Variants in KLF5 observed in about 807,000 individuals in gnomAD.
The protein encoded by KLF5 is Krueppel-like factor 5.
A neutral mutation model predicts 36.9 loss-of-function variants in KLF5; 9 were observed. The ratio of observed to expected loss-of-function variants is 0.24; its 90% CI spans 0.15 to 0.43. The LOEUF is 0.43. Among genes scored for constraint, KLF5 ranks in the 20% least tolerant of loss-of-function variants. The pLI, the probability that KLF5 is intolerant of heterozygous loss-of-function variation, is 1.00. For missense variants in KLF5, 524 were observed against 599.5 expected, an observed-to-expected ratio of 0.87 and a Z score of 1.31; for synonymous variants, 246 against 241.7, an observed-to-expected ratio of 1.02 and a Z score of -0.17.
intron 3 of KLF5, among the ~76,000 whole-genome samples, chr13:73,073,733 C>T (rs1313064404): frequency 1.3e-5 from 2 of 151,954 alleles, no homozygotes; most frequent in Non-Finnish European, 2.9e-5. Context: ...GTTTATTTTT[C>T]ACAGGGAACA....
intron 3 of KLF5, among the ~76,000 whole-genome samples, chr13:73,068,779 T>A (rs908884182): frequency 6.6e-6 from 1 of 151,312 alleles, no homozygotes; most frequent in Non-Finnish European, 1.5e-5. Flanking sequence ...ATATTAAACA[T>A]AGCTTTTGGT....
At chr13:73,062,772 A>AGAGT in intron 2 of KLF5, 38 bp downstream of exon 2, 8 of 1,438,760 alleles carry the variant, frequency 5.6e-6, no homozygotes, top group Non-Finnish European at 7.7e-6. Flanking sequence ...CAATAGATGT[A>AGAGT]GTGTGTGTGT....
At chr13:73,055,341 C>A (rs1042115276), upstream of KLF5, among the ~76,000 whole-genome samples, 1 of 151,994 alleles carries the variant, frequency 6.6e-6, no homozygotes, top group Admixed American at 6.6e-5. Context: ...AGAGACATTA[C>A]AAAAATAAAA....
chr13:73,061,759 C>G, intron 1 of KLF5, 102 bp from the exon 2 acceptor site: 1 of 1,087,454 alleles, frequency 9.2e-7, no homozygotes, highest in Non-Finnish European at 1.4e-6. Flanking sequence ...GCCCTAGTAC[C>G]TTACACAGGG....
At position 73,064,736 on chromosome 13, in the gene KLF5, G is replaced by T. The variant is rs571160407; in HGVS notation, c.1195+853G>T. Among the ~76,000 whole-genome samples, 203 of 152,206 alleles carry T rather than the reference G, an allele frequency of 1.3e-3. 1 individual carries two copies. The highest frequency in any genetic ancestry group is 4.6e-3 in the African/African-American group (193 of 41,508). ...TTTTTGTATCTCTAGTAGAGATGGG[G>T]TTTCACCATGTTGGCCAGGCTGGTC... On this transcript the variant is annotated intron_variant, in intron 3 of 3. Transcript: ENST00000377687.
intron 3 of KLF5, among the ~76,000 whole-genome samples, chr13:73,073,868 A>G (rs2044740156): frequency 6.6e-6 from 1 of 152,194 alleles, no homozygotes; most frequent in South Asian, 2.1e-4. Context: ...ATTGTAAGTG[A>G]CAGAACGTGA....
Position 73,061,855 on chromosome 13 carries a change from T to C in KLF5, c.262-6T>C. ...GATTATGCATTTTATATCTCTTCTTTTTTAGACAAGATGTGAAATGGAGAA... is the reference window on the plus strand; with the variant it reads ...GATTATGCATTTTATATCTCTTCTTCTTTAGACAAGATGTGAAATGGAGAA... On this transcript the variant is annotated splice_region_variant and splice_polypyrimidine_tract_variant and intron_variant, in intron 1 of 3. Transcript: ENST00000377687. The C allele has an allele frequency of 6.2e-7, 1 of 1,606,668 alleles. No homozygotes were observed. Among genetic ancestry groups the C allele is most frequent in the Non-Finnish European group, 8.5e-7 (1 of 1,174,132 alleles).
At chr13:73,061,583 T>C (rs1478744210) in intron 1 of KLF5, among the ~76,000 whole-genome samples, 1 of 152,256 alleles carries the variant, frequency 6.6e-6, no homozygotes, top group African/African-American at 2.4e-5. Flanking sequence ...ATGGAATGTT[T>C]TAAGTTTGCT....
chr13:73,076,268 G>T lies in KLF5; in HGVS notation c.*382G>T. On this transcript the variant is annotated 3_prime_UTR_variant, in exon 4 of 4. Transcript: ENST00000377687. ...AGTTGGCAGGCACCAGAAGAAGAAT[G>T]GATTGTATGTCAAGATTTTACTTGG... 1 of 170,646 alleles carries T rather than the reference G, an allele frequency of 5.9e-6. No homozygotes were observed. Among genetic ancestry groups the T allele is most frequent in the Non-Finnish European group, 1.2e-5 (1 of 80,560 alleles). The allele number at this position is 170,646 out of a possible 1,614,324, so 10.6% of individuals were successfully genotyped here.
Position 73,062,010 on chromosome 13 carries a change from C to A in KLF5, c.411C>A (p.Asn137Lys). 6.2e-7 allele frequency: 1 copy of A among 1,614,118 alleles called. No homozygotes were observed. Among genetic ancestry groups the A allele is most frequent in the Non-Finnish European group, 8.5e-7 (1 of 1,180,016 alleles). Reference protein sequence around the residue: ...TEGLPYSINMNVFLPDITHLR... With the variant: ...TEGLPYSINMKVFLPDITHLR... ...GGTTACCTTACAGTATCAACATGAA[C>A]GTCTTCCTCCCTGACATCACTCACC... The change falls in exon 2 of 4, where the codon AAC (asparagine) becomes AAA (lysine). Residue 137 changes from asparagine to lysine, a missense_variant. This residue lies in a region of KLF5 where 454 missense variants were observed against 458.1 expected (regional missense o/e 0.99). Transcript: ENST00000377687.
At chr13:73,069,968 C>T (rs567453761) in intron 3 of KLF5, among the ~76,000 whole-genome samples, 1 of 152,238 alleles carries the variant, frequency 6.6e-6, no homozygotes, top group East Asian at 1.9e-4. Context: ...ATTTTTGGTT[C>T]TATAGAATGT....
Position 73,062,309 on chromosome 13 carries a change from T to C in KLF5, c.710T>C (p.Leu237Pro). The change falls in exon 2 of 4, where the codon CTA becomes CCA. Residue 237 changes from leucine (L) to proline (P), a missense_variant. Physicochemically the swap from Leu to Pro is moderately conservative, Grantham distance 98 (BLOSUM62 -3). Transcript: ENST00000377687. The part of the protein sequence containing the change: ...HLYQLLNTPD[L>P]DMPSSTNQTA... ...TACCAGCTACTGAATACACCGGATC[T>C]AGATATGCCCAGTTCTACAAATCAG... 1.9e-6 allele frequency: 3 copies of C among 1,614,192 alleles called. No individual in the cohort carries two copies. The highest frequency in any genetic ancestry group is 2.5e-6 in the Non-Finnish European group (3 of 1,180,028).
chr13:73,070,753 CAATTTGTTTA>C (rs1202708239), intron 3 of KLF5, among the ~76,000 whole-genome samples: 1 of 152,176 alleles, frequency 6.6e-6, no homozygotes, highest in Admixed American at 6.5e-5. Context: ...CTACCTAAGA[CAATTTGTTTA>C]AACAGAGTTT....
At chr13:73,056,746 A>G (rs576320868), upstream of KLF5, among the ~76,000 whole-genome samples, 62 of 152,350 alleles carry the variant, frequency 4.1e-4, no homozygotes, top group African/African-American at 1.4e-3. Flanking sequence ...CTATTACTTA[A>G]AAGTGGCAGC....
intron 3 of KLF5, among the ~76,000 whole-genome samples, chr13:73,068,645 A>G (rs1007486132): frequency 6.8e-6 from 1 of 147,140 alleles, no homozygotes; most frequent in East Asian, 2.1e-4. Context: ...CGGAGGTTGC[A>G]GTGAGCTGAG....
intron 3 of KLF5, among the ~76,000 whole-genome samples, chr13:73,073,645 T>A (rs941607569): frequency 1.3e-5 from 2 of 152,228 alleles, no homozygotes; most frequent in Non-Finnish European, 2.9e-5. Context: ...ATTTTTTTCC[T>A]TGTCTCAGAC....
upstream of KLF5, chr13:73,055,077 T>C (rs1435489557): frequency 6.6e-6 from 1 of 152,210 alleles, no homozygotes; most frequent in Non-Finnish European, 1.5e-5. Context: ...TATAACTTGG[T>C]TCCAGGCATT....
At chr13:73,058,356 G>GA (rs1238212848), upstream of KLF5, among the ~76,000 whole-genome samples, 1 of 152,104 alleles carries the variant, frequency 6.6e-6, no homozygotes, top group African/African-American at 2.4e-5. Context: ...GCAAGGATCT[G>GA]AAAAAACGCT....
At position 73,059,100 on chromosome 13, in the gene KLF5, GC is replaced by G; in HGVS notation, c.-227del. 2.6e-6 allele frequency: 1 copy of G among 378,872 alleles called. No homozygotes were observed. Among genetic ancestry groups the G allele is most frequent in the Non-Finnish European group, 4.7e-6 (1 of 214,984 alleles). The allele number at this position is 378,872 out of a possible 1,614,324, so 23.5% of individuals were successfully genotyped here. A position where few individuals can be genotyped will look rare whatever the true frequency, so the allele number is the denominator to read the frequency against. Reference sequence around the variant, plus strand: ...GAGCCTGAGAGCACGGTGGGGCGGGGCGGGAGAAAGTGGCCGCCCGGAGGAC... The same window carrying G: ...GAGCCTGAGAGCACGGTGGGGCGGGGGGGAGAAAGTGGCCGCCCGGAGGAC... On this transcript the variant is annotated 5_prime_UTR_variant, in exon 1 of 4. Transcript: ENST00000377687.
Sources: gnomAD v4.1 joint callset for allele counts (sites outside exome capture counted in the v4.1 genomes callset) on GRCh38, gnomAD v4.1.1 for gene constraint, gnomAD v4.1.1 regional missense constraint, MANE v1.5 for transcripts, NCBI Gene and HGNC (gene_info 2026-07-23, HGNC 2026-07-21) for gene names.